SRFBP1: variants seen among roughly 807,000 people sequenced by gnomAD.
The protein encoded by SRFBP1 is serum response factor binding protein 1.
SRFBP1 carries 47 observed loss-of-function variants against 45.5 expected under a neutral mutation model. The observed-to-expected ratio is 1.03, with a 90% CI of 0.82 to 1.32. The LOEUF is 1.32. Among genes scored for constraint, SRFBP1 ranks in the 40% most tolerant of loss-of-function variants. The pLI is 0.00. For missense variants in SRFBP1, 621 were observed against 484.6 expected, an observed-to-expected ratio of 1.28 and a Z score of -2.64; for synonymous variants, 203 against 166.3, an observed-to-expected ratio of 1.22 and a Z score of -1.70.
intron 2 of SRFBP1, among the ~76,000 whole-genome samples, chr5:122,035,923 A>G (rs1753686938): frequency 6.6e-6 from 1 of 152,186 alleles, no homozygotes; most frequent in Non-Finnish European, 1.5e-5. Flanking sequence ...AATGAGTAAC[A>G]TCTCCTCCAG....
At chr5:122,012,419 G>C (rs1245440285) in intron 4 of SRFBP1, among the ~76,000 whole-genome samples, 1 of 152,010 alleles carries the variant, frequency 6.6e-6, no homozygotes, top group Non-Finnish European at 1.5e-5. Flanking sequence ...TCAAATACAA[G>C]TGTAATATTT....
chr5:122,053,585 G>A (rs967768209), intron 2 of SRFBP1, among the ~76,000 whole-genome samples: 5 of 152,010 alleles, frequency 3.3e-5, no homozygotes, highest in African/African-American at 1.2e-4. Flanking sequence ...TGCTTCCTGG[G>A]GCAATAGGAG....
intron 2 of SRFBP1, among the ~76,000 whole-genome samples, chr5:122,060,206 T>A (rs1754149091): frequency 6.6e-6 from 1 of 152,076 alleles, no homozygotes; most frequent in African/African-American, 2.4e-5. Context: ...CCTTAGATAC[T>A]ATGAATAAGG....
chr5:121,962,379 A>G (rs1314951929), intron 1 of SRFBP1, among the ~76,000 whole-genome samples: 22 of 152,156 alleles, frequency 1.4e-4, no homozygotes, highest in Non-Finnish European at 1.6e-4. Flanking sequence ...CAGGGTTGTG[A>G]GATTAACTGA....
chr5:122,065,295 G>A (rs878858126), intron 2 of SRFBP1: 3 of 152,048 alleles, frequency 2.0e-5, no homozygotes, highest in Non-Finnish European at 2.9e-5. Flanking sequence ...ACAGGATGCC[G>A]AGGCACTTTT....
intron 4 of SRFBP1, among the ~76,000 whole-genome samples, chr5:122,003,444 T>C (rs1460726021): frequency 1.3e-5 from 2 of 152,178 alleles, no homozygotes. Context: ...AGAATAGTGC[T>C]AATTAAATCA....
chr5:122,028,893 G>A (rs1753547620), downstream of SRFBP1, among the ~76,000 whole-genome samples: 1 of 152,144 alleles, frequency 6.6e-6, no homozygotes, highest in African/African-American at 2.4e-5. Context: ...AAGTTAAGAG[G>A]GAAGAGTTTT....
At chr5:122,054,076 A>G (rs1381966857) in intron 2 of SRFBP1, among the ~76,000 whole-genome samples, 3 of 152,198 alleles carry the variant, frequency 2.0e-5, no homozygotes, top group Non-Finnish European at 2.9e-5. Context: ...TACTGCTTCC[A>G]GGCACCACAA....
downstream of SRFBP1, among the ~76,000 whole-genome samples, chr5:122,078,540 C>T (rs1754710405): frequency 6.6e-6 from 1 of 152,148 alleles, no homozygotes; most frequent in Non-Finnish European, 1.5e-5. Flanking sequence ...TTTCAAAAAA[C>T]TCAGACAGGC....
At chr5:121,994,230 C>T (rs1752673153) in intron 3 of SRFBP1, among the ~76,000 whole-genome samples, 1 of 151,798 alleles carries the variant, frequency 6.6e-6, no homozygotes. Flanking sequence ...ATTTTGTTTT[C>T]TTTGCCTCAG....
intron 2 of SRFBP1, chr5:122,065,971 T>C (rs1159972859): frequency 6.6e-6 from 1 of 152,080 alleles, no homozygotes; most frequent in Non-Finnish European, 1.5e-5. Context: ...AGAATCCCAC[T>C]TACAACATCT....
intron 2 of SRFBP1, among the ~76,000 whole-genome samples, chr5:122,071,403 T>G (rs1161929643): frequency 6.6e-6 from 1 of 152,052 alleles, no homozygotes; most frequent in Non-Finnish European, 1.5e-5. Flanking sequence ...CCCACTATAC[T>G]CTCTCTCATA....
At chr5:122,038,873 AACTT>A (rs1219761140) in intron 2 of SRFBP1, among the ~76,000 whole-genome samples, 2 of 152,176 alleles carry the variant, frequency 1.3e-5, no homozygotes, top group Non-Finnish European at 2.9e-5. Flanking sequence ...GGGGCTCCCA[AACTT>A]TCTCAGGGAA....
chr5:122,070,782 A>G, intron 2 of SRFBP1: 2 of 449,002 alleles, frequency 4.5e-6, no homozygotes, highest in Non-Finnish European at 7.9e-6. Flanking sequence ...AAAAAGATAC[A>G]GGACTAATAT....
intron 2 of SRFBP1, among the ~76,000 whole-genome samples, chr5:122,068,174 T>TAAAAAAAAAAA (rs10650287): frequency 1.7e-5 from 2 of 115,896 alleles, no homozygotes. Context: ...TAATAACTAG[T>TAAAAAAAAAAA]AAAAAAAAAA....
intron 4 of SRFBP1, among the ~76,000 whole-genome samples, chr5:122,004,922 A>G (rs1329970807): frequency 6.6e-6 from 1 of 152,174 alleles, no homozygotes; most frequent in Non-Finnish European, 1.5e-5. Flanking sequence ...GTACAGGAGC[A>G]TGATGTTTAA....
At chr5:122,044,259 C>T (rs1753815417) in intron 2 of SRFBP1, among the ~76,000 whole-genome samples, 1 of 152,184 alleles carries the variant, frequency 6.6e-6, no homozygotes, top group Non-Finnish European at 1.5e-5. Flanking sequence ...CATTGGTGAT[C>T]ATTTAGATTG....
chr5:122,074,739 T>C (rs977765793), intron 2 of SRFBP1, among the ~76,000 whole-genome samples: 24 of 152,348 alleles, frequency 1.6e-4, no homozygotes, highest in Non-Finnish European at 2.5e-4. Context: ...TCTACTTTTG[T>C]TATTTCATTA....
chr5:122,025,975 A>G (rs1753471108), intron 7 of SRFBP1, among the ~76,000 whole-genome samples: 1 of 152,148 alleles, frequency 6.6e-6, no homozygotes, highest in Non-Finnish European at 1.5e-5. Context: ...CTGTAATCCC[A>G]GCTACTTAGG....
Sources: allele counts gnomAD v4.1 joint callset (sites outside exome capture counted in the v4.1 genomes callset), GRCh38; gene constraint gnomAD v4.1.1; transcripts MANE v1.5; gene names NCBI Gene and HGNC (gene_info 2026-07-23, HGNC 2026-07-21).